SOX5: variants seen among roughly 807,000 people sequenced by gnomAD.
SOX5 encodes transcription factor SOX-5.
A neutral mutation model predicts 92.0 loss-of-function variants in SOX5; 9 were observed. The observed-to-expected ratio is 0.10, with a 90% confidence interval of 0.06 to 0.17. The LOEUF is 0.17. Among genes scored for constraint, SOX5 ranks in the 10% least tolerant of loss-of-function variants. The pLI is 1.00. For synonymous variants in SOX5, 344 were observed against 336.3 expected (o/e 1.02, Z -0.25); for missense variants, 642 against 944.5 (o/e 0.68, Z 4.20).
intron 3 of SOX5, among the ~76,000 whole-genome samples, chr12:23,774,951 C>T (rs1410992696): frequency 1.3e-5 from 2 of 152,054 alleles, no homozygotes; most frequent in Non-Finnish European, 2.9e-5. Flanking sequence ...TTAAAATATT[C>T]AAAATTCAAC....
intron 3 of SOX5, among the ~76,000 whole-genome samples, chr12:23,836,735 C>A (rs922502747): frequency 8.6e-5 from 13 of 151,876 alleles, no homozygotes; most frequent in Admixed American, 2.0e-4. Context: ...AATGATTTAG[C>A]TGGGGCTTAA....
intron 4 of SOX5, among the ~76,000 whole-genome samples, chr12:24,135,361 T>C (rs1423868449): frequency 6.6e-6 from 1 of 152,178 alleles, no homozygotes; most frequent in Non-Finnish European, 1.5e-5. Context: ...CTCCTAACTC[T>C]TGTCATAGGA....
At chr12:23,998,148 A>C in intron 4 of SOX5, among the ~76,000 whole-genome samples, 1 of 152,190 alleles carries the variant, frequency 6.6e-6, no homozygotes, top group Admixed American at 6.5e-5. Context: ...ACTTCAAAAT[A>C]GCTATGACAA....
At chr12:24,171,838 T>A (rs999960596) in intron 4 of SOX5, among the ~76,000 whole-genome samples, 24 of 151,508 alleles carry the variant, frequency 1.6e-4, no homozygotes, top group Non-Finnish European at 7.4e-5. Context: ...TCTCTATTTT[T>A]AAAAAAAAGA....
At chr12:23,675,193 A>G (rs2085465106) in intron 6 of SOX5, among the ~76,000 whole-genome samples, 1 of 152,248 alleles carries the variant, frequency 6.6e-6, no homozygotes, top group South Asian at 2.1e-4. Context: ...TTCCCACATC[A>G]CTACTATGTA....
chr12:24,258,522 A>C (rs1458475565), intron 3 of SOX5, among the ~76,000 whole-genome samples: 1 of 152,194 alleles, frequency 6.6e-6, no homozygotes, highest in African/African-American at 2.4e-5. Context: ...GTTACCTGTT[A>C]TTTGTTAGCA....
chr12:24,001,392 T>C (rs780690196), intron 4 of SOX5, among the ~76,000 whole-genome samples: 87 of 152,112 alleles, frequency 5.7e-4, no homozygotes, highest in Admixed American at 9.8e-4. Flanking sequence ...AAAACCAGCC[T>C]AAATTAGATT....
chr12:23,738,627 G>C (rs1015350597), intron 5 of SOX5: 4 of 152,132 alleles, frequency 2.6e-5, no homozygotes, highest in Admixed American at 6.6e-5. Flanking sequence ...TCAGGGATGG[G>C]CTAGAATGTG....
intron 1 of SOX5, among the ~76,000 whole-genome samples, chr12:24,551,882 CCTT>C (rs1343358922): frequency 6.6e-6 from 1 of 152,216 alleles, no homozygotes; most frequent in Non-Finnish European, 1.5e-5. Context: ...GCTGCTCTCT[CCTT>C]CTGTGTGTTT....
At chr12:23,831,700 G>A (rs949807143) in intron 3 of SOX5, among the ~76,000 whole-genome samples, 28 of 151,848 alleles carry the variant, frequency 1.8e-4, no homozygotes, top group Admixed American at 1.2e-3. Context: ...GTGCCTTTAG[G>A]GTCTTGAAAT....
intron 4 of SOX5, among the ~76,000 whole-genome samples, chr12:23,992,346 C>G (rs900458474): frequency 6.6e-6 from 1 of 152,120 alleles, no homozygotes; most frequent in Admixed American, 6.6e-5. Flanking sequence ...AAAAAGATTG[C>G]TTCCCTAATC....
At chr12:23,620,832 C>T (rs905179272) in intron 8 of SOX5, among the ~76,000 whole-genome samples, 3 of 152,106 alleles carry the variant, frequency 2.0e-5, no homozygotes, top group Non-Finnish European at 4.4e-5. Flanking sequence ...AACTTCTGCT[C>T]TCCTGCCTTA....
At chr12:23,806,642 G>A (rs891448176) in intron 3 of SOX5, among the ~76,000 whole-genome samples, 2 of 120,280 alleles carry the variant, frequency 1.7e-5, no homozygotes, top group African/African-American at 6.2e-5. Flanking sequence ...TAGCATCACA[G>A]AATAGTGGAG....
At chr12:23,751,462 A>AT (rs1243503769) in intron 4 of SOX5, among the ~76,000 whole-genome samples, 3 of 151,772 alleles carry the variant, frequency 2.0e-5, no homozygotes, top group South Asian at 4.1e-4. Context: ...CCCTTACTAG[A>AT]TTTTTTACCT....
At chr12:23,761,652 ATC>A (rs1415206723) in intron 3 of SOX5, among the ~76,000 whole-genome samples, 43 of 152,174 alleles carry the variant, frequency 2.8e-4, no homozygotes, top group Non-Finnish European at 5.1e-4. Context: ...TTAACAGTAT[ATC>A]ACATACTACC....
At chr12:24,446,837 G>A (rs1941552487) in intron 1 of SOX5, among the ~76,000 whole-genome samples, 1 of 152,172 alleles carries the variant, frequency 6.6e-6, no homozygotes. Flanking sequence ...TGAGTGAGCA[G>A]CAGCACAGAG....
chr12:23,682,253 G>T (rs1452404950), intron 6 of SOX5, among the ~76,000 whole-genome samples: 1 of 151,798 alleles, frequency 6.6e-6, no homozygotes, highest in African/African-American at 2.4e-5. Flanking sequence ...TTTAGTCTTA[G>T]ATGAAAAGGG....
At chr12:24,082,399 G>C (rs1395094097) in intron 4 of SOX5, among the ~76,000 whole-genome samples, 1 of 23,646 alleles carries the variant, frequency 4.2e-5, no homozygotes, top group Non-Finnish European at 7.4e-5. Context: ...TGCTCCTTTC[G>C]AAAAGAAAAA....
chr12:23,740,729 T>A (rs1255853378), intron 5 of SOX5, 138 bp downstream of exon 5: 1 of 739,584 alleles, frequency 1.4e-6, no homozygotes. Context: ...TTTGTTTTGC[T>A]TTTTTGGCCT....
Sources: gnomAD v4.1 joint callset for allele counts (sites outside exome capture counted in the v4.1 genomes callset) on GRCh38, gnomAD v4.1.1 for gene constraint, MANE v1.5 for transcripts, NCBI Gene and HGNC (gene_info 2026-07-23, HGNC 2026-07-21) for gene names.